NCKAP5: variants seen among roughly 807,000 people sequenced by gnomAD.
The protein encoded by NCKAP5 is nck-associated protein 5.
Under a neutral mutation model 167.0 loss-of-function variants are expected in NCKAP5, and 92 were observed. The ratio of observed to expected loss-of-function variants is 0.55; its 90% CI spans 0.47 to 0.66. The LOEUF is 0.66. Among genes scored for constraint, NCKAP5 ranks in the 30% least tolerant of loss-of-function variants. The probability of loss-of-function intolerance (pLI) is 0.00; values close to 1 mark genes in which losing one functional copy is unlikely to be tolerated. For synonymous variants in NCKAP5, 891 were observed against 877.4 expected, an observed-to-expected ratio of 1.02 and a Z score of -0.27; for missense variants, 2,378 against 2,315.0, an observed-to-expected ratio of 1.03 and a Z score of -0.56.
At chr2:132,859,870 T>C (rs188950317) in intron 11 of NCKAP5, among the ~76,000 whole-genome samples, 134 of 152,290 alleles carry the variant, frequency 8.8e-4, no homozygotes, top group African/African-American at 3.0e-3. Context: ...GTGGGACATA[T>C]TCTCTAGTGC....
intron 7 of NCKAP5, among the ~76,000 whole-genome samples, chr2:132,986,658 AAGG>A (rs2077297258): frequency 6.6e-6 from 1 of 152,242 alleles, no homozygotes. Flanking sequence ...TTGCTATTTA[AAGG>A]AGATTTCTTT....
intron 4 of NCKAP5, among the ~76,000 whole-genome samples, chr2:133,230,530 G>T (rs572037555): frequency 6.6e-6 from 1 of 152,248 alleles, no homozygotes; most frequent in Non-Finnish European, 1.5e-5. Context: ...CCTTTTGACT[G>T]AGTTCTAATG....
chr2:133,619,612 T>C, the NCKAP5 span, among the ~76,000 whole-genome samples: 1 of 151,890 alleles, frequency 6.6e-6, no homozygotes, highest in Non-Finnish European at 1.5e-5. Flanking sequence ...TAAGAATAAA[T>C]GTCCAAACCT....
chr2:133,378,164 T>C (rs916723416), intron 3 of NCKAP5, among the ~76,000 whole-genome samples: 24 of 152,244 alleles, frequency 1.6e-4, no homozygotes, highest in African/African-American at 5.5e-4. Context: ...TTTTAAAAAG[T>C]TGACAAAGAA....
At chr2:132,679,182 T>C (rs778020251) in intron 19 of NCKAP5, among the ~76,000 whole-genome samples, 2 of 152,170 alleles carry the variant, frequency 1.3e-5, no homozygotes, top group Non-Finnish European at 2.9e-5. Flanking sequence ...TCCCAAGATA[T>C]AGACAAGCTT....
At chr2:133,232,289 A>G (rs2087188146) in intron 4 of NCKAP5, among the ~76,000 whole-genome samples, 1 of 152,166 alleles carries the variant, frequency 6.6e-6, no homozygotes, top group African/African-American at 2.4e-5. Flanking sequence ...CTATCTCTAA[A>G]AATATATATA....
At chr2:133,576,245 C>T in the NCKAP5 span, among the ~76,000 whole-genome samples, 1 of 152,148 alleles carries the variant, frequency 6.6e-6, no homozygotes, top group African/African-American at 2.4e-5. Context: ...ACTCCTCTTC[C>T]AAGCCACTTG....
intron 6 of NCKAP5, among the ~76,000 whole-genome samples, chr2:133,069,706 C>T (rs2080322518): frequency 6.6e-6 from 1 of 152,012 alleles, no homozygotes; most frequent in Non-Finnish European, 1.5e-5. Flanking sequence ...ATGAGAACAG[C>T]TTGCAAGGTA....
At chr2:132,829,782 C>T (rs1687390464) in intron 11 of NCKAP5, among the ~76,000 whole-genome samples, 1 of 152,126 alleles carries the variant, frequency 6.6e-6, no homozygotes, top group African/African-American at 2.4e-5. Flanking sequence ...CCAGGTGATG[C>T]TGCTGCTGTT....
chr2:132,673,299 T>A lies in NCKAP5; in HGVS notation c.5720A>T (p.Glu1907Val), dbSNP rs1048142449. 1 of 1,484,998 alleles carries A rather than the reference T, an allele frequency of 6.7e-7. No homozygotes were observed. Among genetic ancestry groups the A allele is most frequent in the Non-Finnish European group, 9.1e-7 (1 of 1,101,692 alleles). The allele number at this position is 1,484,998 out of a possible 1,614,324, so 92.0% of individuals were successfully genotyped here. A position where few individuals can be genotyped will look rare whatever the true frequency, so the allele number is the denominator to read the frequency against. Residue 1907 changes from glutamate to valine, a missense_variant, in exon 20 of 20, where the codon GAG (glutamate) becomes GTG (valine). By Grantham distance (121) the Glu-to-Val change is moderately radical. Transcript: ENST00000409261. Reference sequence around the variant, plus strand: ...TCGTCTTTTGTTTCTTCAAGTTGTCTCAATTTCTGCAATAAAAAGAAGAAA... The same window carrying A: ...TCGTCTTTTGTTTCTTCAAGTTGTCACAATTTCTGCAATAAAAAGAAGAAA... ...KALKSAAPEI[E>V]TT is the part of the protein sequence containing the mutation.
intron 3 of NCKAP5, among the ~76,000 whole-genome samples, chr2:133,351,509 AAC>A (rs151082858): frequency 0.014 from 2,128 of 152,324 alleles, 44 homozygotes; most frequent in African/African-American, 0.048. Flanking sequence ...TACCGTGCTT[AAC>A]ACACACATCA....
intron 3 of NCKAP5, among the ~76,000 whole-genome samples, chr2:133,498,660 G>GA (rs905791708): frequency 5.4e-5 from 8 of 148,880 alleles, no homozygotes; most frequent in African/African-American, 7.4e-5. Flanking sequence ...AATAAAGAAA[G>GA]AAAAAAAAAG....
chr2:133,249,998 T>TTTATTGTTATTA, intron 4 of NCKAP5, among the ~76,000 whole-genome samples: 1 of 138,220 alleles, frequency 7.2e-6, no homozygotes, highest in Admixed American at 7.3e-5. Context: ...CACCAAGGGT[T>TTTATTGTTATTA]TTATTATTAT....
chr2:132,960,413 T>C (rs2076477489), intron 8 of NCKAP5, among the ~76,000 whole-genome samples: 1 of 152,116 alleles, frequency 6.6e-6, no homozygotes, highest in Non-Finnish European at 1.5e-5. Flanking sequence ...GAAAGGCTAC[T>C]GCGAAACGCC....
At chr2:133,398,727 T>G (rs1355583160) in intron 3 of NCKAP5, among the ~76,000 whole-genome samples, 4 of 152,080 alleles carry the variant, frequency 2.6e-5, no homozygotes, top group Admixed American at 6.6e-5. Flanking sequence ...GCAGAAAGAC[T>G]TAAGGGGTGA....
chr2:133,152,439 C>T (rs1031622414), intron 5 of NCKAP5, among the ~76,000 whole-genome samples: 15 of 152,140 alleles, frequency 9.9e-5, no homozygotes, highest in African/African-American at 3.4e-4. Flanking sequence ...AGATGTACGC[C>T]GAATGCATTA....
At chr2:133,138,600 C>T (rs902978702) in intron 5 of NCKAP5, among the ~76,000 whole-genome samples, 1 of 152,164 alleles carries the variant, frequency 6.6e-6, no homozygotes, top group Non-Finnish European at 1.5e-5. Context: ...TTTCTGTCTT[C>T]CCATTAACTT....
At chr2:133,641,405 A>G in the NCKAP5 span, among the ~76,000 whole-genome samples, 1 of 152,210 alleles carries the variant, frequency 6.6e-6, no homozygotes, top group Non-Finnish European at 1.5e-5. Flanking sequence ...CTGGTTCTGT[A>G]TATTCTGGCC....
chr2:132,961,719 C>T (rs970992358), intron 8 of NCKAP5, among the ~76,000 whole-genome samples: 2 of 152,156 alleles, frequency 1.3e-5, no homozygotes, highest in African/African-American at 4.8e-5. Flanking sequence ...TTAAAGACCT[C>T]TTAGCTTAAT....
Sources: gnomAD v4.1 joint callset for allele counts (sites outside exome capture counted in the v4.1 genomes callset) on GRCh38, gnomAD v4.1.1 for gene constraint, MANE v1.5 for transcripts, NCBI Gene and HGNC (gene_info 2026-07-23, HGNC 2026-07-21) for gene names.